Variants in CDCP2 observed in about 807,000 individuals in gnomAD.
The protein encoded by CDCP2 is CUB domain containing protein 2, also known as CUB domain-containing protein 2.
Under a neutral mutation model 31.0 loss-of-function variants are expected in CDCP2, and 31 were observed. The observed-to-expected ratio is 1.00, with a 90% confidence interval of 0.75 to 1.35. CDCP2 has a LOEUF of 1.35. Ranked by LOEUF, CDCP2 falls within the 40% of genes most tolerant of loss-of-function variation. The pLI, the probability that CDCP2 is intolerant of heterozygous loss-of-function variation, is 0.00. For missense variants in CDCP2, 443 were observed against 482.6 expected (o/e 0.92, Z 0.77); for synonymous variants, 206 against 207.9 (o/e 0.99, Z 0.08).
At chr1:54,148,862 C>T (rs1357748180) in intron 1 of CDCP2, among the ~76,000 whole-genome samples, 1 of 150,926 alleles carries the variant, frequency 6.6e-6, no homozygotes, top group Admixed American at 6.6e-5. Context: ...GAGACCCTGT[C>T]TCTGCAAATA....
intron 1 of CDCP2, among the ~76,000 whole-genome samples, chr1:54,152,059 A>G (rs1659592802): frequency 6.6e-6 from 1 of 152,274 alleles, no homozygotes; most frequent in East Asian, 1.9e-4. Context: ...TCAATACGAT[A>G]TGGAAGTTGG....
At chr1:54,137,188 A>T (rs1489208607) in intron 4 of CDCP2, among the ~76,000 whole-genome samples, 1 of 152,254 alleles carries the variant, frequency 6.6e-6, no homozygotes, top group East Asian at 1.9e-4. Context: ...AAATATATTG[A>T]TGGCCTGCTA....
chr1:54,141,059 G>T, intron 3 of CDCP2, 39 bp downstream of exon 3: 1 of 1,485,482 alleles, frequency 6.7e-7, no homozygotes. Context: ...AGCCCAGTAG[G>T]CACAGGAGGA....
At chr1:54,141,186 G>C (rs374171155) in exon 3 of CDCP2, 1 of 1,595,454 alleles carries the variant, frequency 6.3e-7, no homozygotes, top group Non-Finnish European at 8.6e-7. Flanking sequence ...GAGACACGAG[G>C]GTGGGGGGCC....
intron 4 of CDCP2, chr1:54,138,903 G>A (rs633883): frequency 0.97 from 149,070 of 153,482 alleles, 72,527 homozygotes; most frequent in Middle Eastern, 1. Flanking sequence ...CAGAGTGCAG[G>A]TATTTCTGGG....
chr1:54,147,649 G>A (rs142689759), intron 1 of CDCP2, among the ~76,000 whole-genome samples: 40 of 151,922 alleles, frequency 2.6e-4, no homozygotes, highest in African/African-American at 9.0e-4. Context: ...TTACAGGCGT[G>A]AGCCACCGTG....
chr1:54,149,310 T>C (rs1028252687), intron 1 of CDCP2, among the ~76,000 whole-genome samples: 5 of 151,940 alleles, frequency 3.3e-5, no homozygotes, highest in Non-Finnish European at 7.3e-5. Flanking sequence ...TGTGTTTCTC[T>C]GTTAGAGACA....
chr1:54,136,106 GT>G (rs1659255198), intron 5 of CDCP2, among the ~76,000 whole-genome samples: 1 of 152,188 alleles, frequency 6.6e-6, no homozygotes, highest in African/African-American at 2.4e-5. Flanking sequence ...AGGGAATCCT[GT>G]GCCTTGAAAG....
At chr1:54,134,722 T>G (rs1659227984) in intron 5 of CDCP2, among the ~76,000 whole-genome samples, 1 of 127,104 alleles carries the variant, frequency 7.9e-6, no homozygotes, top group Non-Finnish European at 1.7e-5. Flanking sequence ...ATGTGGTTTT[T>G]TTTGTTTGTT....
At chr1:54,149,392 A>G (rs1659536713) in intron 1 of CDCP2, among the ~76,000 whole-genome samples, 1 of 151,948 alleles carries the variant, frequency 6.6e-6, no homozygotes, top group African/African-American at 2.4e-5. Flanking sequence ...CACCTCCCAG[A>G]ATGGGGCTGG....
At chr1:54,133,058 G>C (rs1570053844) in exon 6 of CDCP2, 2 of 399,042 alleles carry the variant, frequency 5.0e-6, no homozygotes, top group East Asian at 3.6e-5. Context: ...TGGTATCCTG[G>C]GCCACCATGC....
chr1:54,133,632 C>T (rs571003455), intron 5 of CDCP2, among the ~76,000 whole-genome samples: 39 of 152,320 alleles, frequency 2.6e-4, no homozygotes, highest in East Asian at 7.7e-4. Flanking sequence ...TGCGGTGGCT[C>T]ACGCCTGTAA....
chr1:54,140,183 G>T, intron 3 of CDCP2, 77 bp from the exon 4 acceptor site: 1 of 1,410,474 alleles, frequency 7.1e-7, no homozygotes, highest in South Asian at 1.2e-5. Context: ...TACAGCTTAG[G>T]CAGCAGGTGC....
chr1:54,137,304 A>C (rs12078845), intron 4 of CDCP2, among the ~76,000 whole-genome samples: 42,281 of 151,944 alleles, frequency 0.28, 6,394 homozygotes, highest in East Asian at 0.6. Context: ...GGGGGCAATA[A>C]ATGTAAAATA....
At chr1:54,139,481 G>T (rs1301732165) in intron 4 of CDCP2, 21 of 1,539,074 alleles carry the variant, frequency 1.4e-5, no homozygotes, top group Non-Finnish European at 1.9e-5. Context: ...GGGGCCCAGG[G>T]GGAAGGAACC....
intron 5 of CDCP2, among the ~76,000 whole-genome samples, chr1:54,136,327 G>A (rs1025089170): frequency 3.9e-5 from 6 of 152,194 alleles, no homozygotes; most frequent in African/African-American, 1.4e-4. Flanking sequence ...GACCGGTAGC[G>A]TCTTTAGGTT....
At chr1:54,152,164 A>T (rs1320452967) in intron 1 of CDCP2, among the ~76,000 whole-genome samples, 2 of 152,128 alleles carry the variant, frequency 1.3e-5, no homozygotes, top group East Asian at 3.9e-4. Flanking sequence ...GGAGGAGAAT[A>T]AAGACTCTTC....
At position 54,140,271 on chromosome 1, in the gene CDCP2, A is replaced by T. The variant is rs933409142; in HGVS notation, c.764-165T>A. ...AGACAATTGATCCCAACTATCTGAA[A>T]GTTGGGATGCTTGATCCCAAAGCTT... On this transcript the variant is annotated intron_variant, in intron 3 of 5. Coordinates refer to ENST00000530059, the Ensembl canonical transcript of CDCP2. 10 of 630,848 alleles carry T rather than the reference A, an allele frequency of 1.6e-5. No homozygotes were observed. In the Admixed American group the frequency reaches 2.5e-4, roughly 16 times the overall value. 39.1% of individuals were successfully genotyped at this position (630,848 alleles called of 1,614,324 possible). A position where few individuals can be genotyped will look rare whatever the true frequency, so the allele number is the denominator to read the frequency against.
At chr1:54,137,575 T>C (rs1041431110) in intron 4 of CDCP2, among the ~76,000 whole-genome samples, 8 of 152,116 alleles carry the variant, frequency 5.3e-5, no homozygotes, top group Non-Finnish European at 1.2e-4. Context: ...TCAGAGTTCG[T>C]GGTCTGTTTG....
Sources: allele counts gnomAD v4.1 joint callset (sites outside exome capture counted in the v4.1 genomes callset), GRCh38; gene constraint gnomAD v4.1.1; transcripts MANE v1.5; gene names NCBI Gene and HGNC (gene_info 2026-07-23, HGNC 2026-07-21).